The following DCAF8L2 variants were observed in gnomAD, a reference collection of about 807,000 sequenced individuals.
DCAF8L2 encodes DDB1- and CUL4-associated factor 8-like protein 2.
For synonymous variants in DCAF8L2, 200 were observed against 190.9 expected (o/e 1.05, Z -0.39); for missense variants, 430 against 490.7 (o/e 0.88, Z 1.17).
At chrX:27,600,950 T>TC (rs1926610413) in intron 1 of DCAF8L2, among the ~76,000 whole-genome samples, 1 of 110,473 alleles carries the variant, frequency 9.1e-6, no homozygotes, top group Non-Finnish European at 1.9e-5. Context: ...TTTTTTTTTT[T>TC]TCTTTGAGAC....
intron 4 of DCAF8L2, among the ~76,000 whole-genome samples, chrX:27,717,006 A>T (rs868420993): frequency 2.8e-4 from 31 of 111,841 alleles, no homozygotes; most frequent in African/African-American, 1.0e-3. Flanking sequence ...TTCCTGCATT[A>T]GTTTGCTGAG....
chrX:27,624,166 T>C (rs948231936), intron 1 of DCAF8L2, among the ~76,000 whole-genome samples: 8 of 111,951 alleles, frequency 7.1e-5, no homozygotes, highest in African/African-American at 2.6e-4. Context: ...CTGCAACTTT[T>C]AGATACCATA....
chrX:27,558,595 CT>C, the DCAF8L2 span, among the ~76,000 whole-genome samples: 1 of 110,711 alleles, frequency 9.0e-6, no homozygotes, highest in African/African-American at 3.3e-5. Flanking sequence ...AGTATTCCTT[CT>C]TTTTTTAAAT....
intron 2 of DCAF8L2, among the ~76,000 whole-genome samples, chrX:27,638,892 C>T (rs753552903): frequency 9.0e-6 from 1 of 111,376 alleles, no homozygotes; most frequent in East Asian, 2.8e-4. Flanking sequence ...GGGGATGGAG[C>T]CTGAGAATGC....
At chrX:27,562,093 A>T in the DCAF8L2 span, among the ~76,000 whole-genome samples, 1 of 112,078 alleles carries the variant, frequency 8.9e-6, no homozygotes, top group East Asian at 2.8e-4. Context: ...CTTTTTCATT[A>T]TAACCATCCT....
the DCAF8L2 span, among the ~76,000 whole-genome samples, chrX:27,543,354 G>A: frequency 3.6e-5 from 4 of 112,093 alleles, no homozygotes; most frequent in Non-Finnish European, 5.6e-5. Flanking sequence ...GTCTGTTTTT[G>A]TATGAATACT....
chrX:27,696,289 A>AGAAAGAAAGAAG (rs1930907458), intron 3 of DCAF8L2, among the ~76,000 whole-genome samples: 1 of 75,125 alleles, frequency 1.3e-5, no homozygotes, highest in Non-Finnish European at 2.5e-5. Flanking sequence ...AAAGAAAGAA[A>AGAAAGAAAGAAG]GAAAGAAAGA....
At chrX:27,656,104 G>C (rs752150169) in intron 2 of DCAF8L2, among the ~76,000 whole-genome samples, 2 of 111,458 alleles carry the variant, frequency 1.8e-5, no homozygotes, top group Non-Finnish European at 3.8e-5. Context: ...GTAGGAGGGA[G>C]ATATGTATTT....
chrX:27,613,637 GTT>G (rs1206991589), intron 1 of DCAF8L2, among the ~76,000 whole-genome samples: 1 of 111,330 alleles, frequency 9.0e-6, no homozygotes, highest in African/African-American at 3.3e-5. Context: ...TCAATACCTA[GTT>G]TATTGAGAGT....
At chrX:27,563,920 T>C in the DCAF8L2 span, among the ~76,000 whole-genome samples, 10 of 112,390 alleles carry the variant, frequency 8.9e-5, no homozygotes, top group Middle Eastern at 0.028. Context: ...TAATAGCTTG[T>C]ATATTTGTTA....
chrX:27,653,672 T>C (rs1243592844), intron 2 of DCAF8L2, among the ~76,000 whole-genome samples: 2 of 108,964 alleles, frequency 1.8e-5, no homozygotes, highest in African/African-American at 6.7e-5. Context: ...TATATACATA[T>C]ATAGAACTTT....
intron 2 of DCAF8L2, among the ~76,000 whole-genome samples, chrX:27,657,028 A>G (rs1349463226): frequency 9.1e-6 from 1 of 110,486 alleles, no homozygotes; most frequent in African/African-American, 3.3e-5. Flanking sequence ...CTAATCAACT[A>G]CTTGCCTGGG....
chrX:27,511,423 G>A, the DCAF8L2 span, among the ~76,000 whole-genome samples: 2 of 111,400 alleles, frequency 1.8e-5, no homozygotes, highest in Admixed American at 9.6e-5. Context: ...TAGAGGAACA[G>A]AACAGTTTGG....
chrX:27,617,520 C>G (rs1479981091), intron 1 of DCAF8L2, among the ~76,000 whole-genome samples: 1 of 111,179 alleles, frequency 9.0e-6, no homozygotes, highest in Non-Finnish European at 1.9e-5. Context: ...AGTAATCAAC[C>G]TGGTTCCCTA....
chrX:27,700,959 A>G (rs1164494628), intron 3 of DCAF8L2, among the ~76,000 whole-genome samples: 1 of 111,491 alleles, frequency 9.0e-6, no homozygotes, highest in Non-Finnish European at 1.9e-5. Context: ...AAAGTCCTGA[A>G]TAAACCCCAC....
At chrX:27,584,297 C>A in the DCAF8L2 span, among the ~76,000 whole-genome samples, 1 of 109,494 alleles carries the variant, frequency 9.1e-6, no homozygotes, top group East Asian at 2.9e-4. Flanking sequence ...TCTGTTTATA[C>A]ACACACACAC....
chrX:27,653,298 T>C (rs193166783), intron 2 of DCAF8L2, among the ~76,000 whole-genome samples: 188 of 112,067 alleles, frequency 1.7e-3, no homozygotes, highest in Non-Finnish European at 3.2e-3. Context: ...TTGACTGTTA[T>C]GTGGGCATAG....
At chrX:27,555,911 T>C in the DCAF8L2 span, among the ~76,000 whole-genome samples, 1 of 111,276 alleles carries the variant, frequency 9.0e-6, no homozygotes, top group Admixed American at 9.6e-5. Context: ...TGAATCTCCC[T>C]TCAGCACTGA....
chrX:27,618,949 G>A (rs906130035), intron 1 of DCAF8L2, among the ~76,000 whole-genome samples: 8 of 109,536 alleles, frequency 7.3e-5, no homozygotes, highest in African/African-American at 2.6e-4. Context: ...TTATAATTAA[G>A]CCGATCTCTT....
Sources: gnomAD v4.1 joint callset for allele counts (sites outside exome capture counted in the v4.1 genomes callset) on GRCh38, gnomAD v4.1.1 for gene constraint, MANE v1.5 for transcripts, NCBI Gene and HGNC (gene_info 2026-07-23, HGNC 2026-07-21) for gene names.